The following CTSB variants were observed in gnomAD, a reference collection of about 807,000 sequenced individuals.
CTSB encodes cathepsin B, also known as APP secretase.
In CTSB, 57 loss-of-function variants were observed where a neutral mutation model predicts 44.3. The ratio of observed to expected loss-of-function variants is 1.29; its 90% confidence interval spans 1.04 to 1.60. The LOEUF is 1.60. Among genes scored for constraint, CTSB ranks in the 40% most tolerant of loss-of-function variants. The pLI is 0.00. For missense variants in CTSB, 768 were observed against 443.0 expected (o/e 1.73, Z -6.59); for synonymous variants, 320 against 168.0 (o/e 1.91, Z -7.00).
chr8:11,860,763 A>T (rs911365022), intron 1 of CTSB, among the ~76,000 whole-genome samples: 1 of 152,258 alleles, frequency 6.6e-6, no homozygotes, highest in African/African-American at 2.4e-5. Context: ...GAGACTGTGA[A>T]GGCTCAGTAA....
At chr8:11,850,762 T>C (rs1051648286) in intron 4 of CTSB, 104 bp downstream of exon 4, 3 of 694,368 alleles carry the variant, frequency 4.3e-6, no homozygotes, top group Non-Finnish European at 7.3e-6. Context: ...AAAGTTTCTA[T>C]AACTTGCCTT....
At chr8:11,863,366 G>T (rs917340351) in intron 1 of CTSB, among the ~76,000 whole-genome samples, 1 of 152,032 alleles carries the variant, frequency 6.6e-6, no homozygotes, top group Non-Finnish European at 1.5e-5. Context: ...GGCTGAGGCA[G>T]GAGAATCACT....
chr8:11,851,040 GC>G, intron 3 of CTSB, 60 bp from the exon 4 acceptor site: 1 of 1,270,018 alleles, frequency 7.9e-7, no homozygotes, highest in Non-Finnish European at 1.1e-6. Context: ...CCCAATCCCT[GC>G]AAAGGCCACT....
In CTSB at chr8:11,843,610, C is replaced by G. The variant is rs922980610; in HGVS notation, c.*1515G>C. ...ATACAGGCCCTGACTCCAGCCCAAA[C>G]CAAGGCTGGAGGGCATCCAGGGGGA... On this transcript the variant is annotated 3_prime_UTR_variant, in exon 10 of 10. Coordinates refer to ENST00000353047, the MANE Select transcript of CTSB (RefSeq NM_001908.5). 2 of 152,244 alleles carry G rather than the reference C, an allele frequency of 1.3e-5. No homozygotes were observed. The highest frequency in any genetic ancestry group is 4.8e-5 in the African/African-American group (2 of 41,448). The allele number at this position is 152,244 out of a possible 1,614,324, so 9.4% of individuals were successfully genotyped here.
chr8:11,864,651 G>C (rs1816866860), intron 1 of CTSB, among the ~76,000 whole-genome samples: 1 of 152,152 alleles, frequency 6.6e-6, no homozygotes, highest in Admixed American at 6.5e-5. Flanking sequence ...CTAAAAAAGA[G>C]ATTAGTTAAA....
intron 9 of CTSB, 34 bp downstream of exon 9, chr8:11,845,627 C>G (rs779051084): frequency 1.9e-6 from 3 of 1,603,284 alleles, no homozygotes; most frequent in Non-Finnish European, 1.7e-6. Flanking sequence ...GCTCACAATT[C>G]ACTGTTCTTG....
chr8:11,847,177 T>C lies in CTSB; in HGVS notation c.677-9A>G, dbSNP rs758495969. ...GCTGTAGGAATTGTATCCTGGAAAATGAACCGAGCTCGGGGTTGGGGAGGG... is the reference window on the plus strand; with the variant it reads ...GCTGTAGGAATTGTATCCTGGAAAACGAACCGAGCTCGGGGTTGGGGAGGG... On this transcript the variant is annotated splice_polypyrimidine_tract_variant and intron_variant, in intron 7 of 9. Transcript: ENST00000353047. 10 of 1,578,290 alleles carry C rather than the reference T, an allele frequency of 6.3e-6. No homozygotes were observed. In the African/African-American group the frequency reaches 1.1e-4, roughly 17 times the overall value.
chr8:11,861,312 C>G, intron 1 of CTSB: 1 of 152,480 alleles, frequency 6.6e-6, no homozygotes, highest in East Asian at 1.9e-4. Context: ...GCCTTGGAGG[C>G]TTCCAGGGAA....
rs758958041 is a variant in CTSB at position 11,849,186 on chromosome 8, G to T, written c.328-22C>A. 6 of 1,600,410 alleles carry T rather than the reference G, an allele frequency of 3.7e-6. No individual in the cohort carries two copies. In the Admixed American group the frequency reaches 8.3e-5, roughly 22 times the overall value. On this transcript the variant is annotated intron_variant, in intron 4 of 9. Coordinates refer to ENST00000353047, the MANE Select transcript of CTSB (RefSeq NM_001908.5). ...AGGCCTGCAGGAACGAGCCCCACCG[G>T]GTGAGGCTGCCATGTCCGGGCTGGG...
intron 1 of CTSB, among the ~76,000 whole-genome samples, chr8:11,858,681 G>T (rs142029072): frequency 6.6e-6 from 1 of 152,176 alleles, no homozygotes. Flanking sequence ...AACTCAAAAA[G>T]TGTCAAGCCA....
intron 1 of CTSB, 78 bp from the exon 2 acceptor site, chr8:11,853,557 G>A: frequency 1.4e-6 from 2 of 1,404,404 alleles, no homozygotes; most frequent in Non-Finnish European, 9.6e-7. Context: ...CACCGTCTCG[G>A]GCATCAGTGG....
rs138408883 is a variant in CTSB at position 11,847,605 on chromosome 8, C to T, written c.676+74G>A. Reference sequence around the variant, plus strand: ...CAAGGCTCCTCAGCCCTGACCTCTTCGCTGCAGCGTGAGGAGGGATGCAGC... The same window carrying T: ...CAAGGCTCCTCAGCCCTGACCTCTTTGCTGCAGCGTGAGGAGGGATGCAGC... On this transcript the variant is annotated intron_variant, in intron 7 of 9. Transcript: ENST00000353047. 282 of 1,471,034 alleles carry T rather than the reference C, an allele frequency of 1.9e-4. 1 individual carries two copies. In the African/African-American group the frequency reaches 2.5e-3, roughly 13 times the overall value. 91.1% of individuals were successfully genotyped at this position (1,471,034 alleles called of 1,614,324 possible).
chr8:11,858,242 ACCTATT>A, intron 1 of CTSB, among the ~76,000 whole-genome samples: 1 of 152,250 alleles, frequency 6.6e-6, no homozygotes, highest in Admixed American at 6.5e-5. Context: ...TTCACACTAA[ACCTATT>A]CCAATAGGTC....
Position 11,843,371 on chromosome 8 carries a change from T to TTGAA in CTSB, c.*1750_*1753dup, listed in dbSNP as rs1812614613. The TTGAA allele has an allele frequency of 1.3e-5, 2 of 152,180 alleles. No homozygotes were observed. Among genetic ancestry groups the TTGAA allele is most frequent in the South Asian group, 4.1e-4 (2 of 4,828 alleles). The allele number at this position is 152,180 out of a possible 1,614,324, so 9.4% of individuals were successfully genotyped here. A position where few individuals can be genotyped will look rare whatever the true frequency, so the allele number is the denominator to read the frequency against. On this transcript the variant is annotated 3_prime_UTR_variant, in exon 10 of 10. Coordinates refer to ENST00000353047, the MANE Select transcript of CTSB (RefSeq NM_001908.5). ...TTCTGAGTCACATCAGAAGCCAAAC[T>TTGAA]TGAATGCTTTTGGAAAGAGCTAGCC...
intron 4 of CTSB, 53 bp downstream of exon 4, chr8:11,850,813 G>C (rs573623000): frequency 2.3e-5 from 30 of 1,333,278 alleles, no homozygotes; most frequent in Non-Finnish European, 3.2e-5. Context: ...AGACTCTCCA[G>C]TGTTGCTCCC....
rs1026718731 is a variant in CTSB, at chr8:11,843,710, C to T, written c.*1415G>A. The T allele has an allele frequency of 6.6e-6, 1 of 152,194 alleles. No individual in the cohort carries two copies. Among genetic ancestry groups the T allele is most frequent in the Non-Finnish European group, 1.5e-5 (1 of 68,046 alleles). 9.4% of individuals were successfully genotyped at this position (152,194 alleles called of 1,614,324 possible). On this transcript the variant is annotated 3_prime_UTR_variant, in exon 10 of 10. Coordinates refer to ENST00000353047, the MANE Select transcript of CTSB (RefSeq NM_001908.5). ...CCAAGCCTGTTTTATGAGCTGAATC[C>T]TCAGCTTGTTGCTGGATTTGTGGCT...
At chr8:11,847,614 G>C (rs141494824) in intron 7 of CTSB, 65 bp downstream of exon 7, 498 of 1,482,300 alleles carry the variant, frequency 3.4e-4, no homozygotes, top group South Asian at 1.7e-3. Context: ...TCGCTGCAGC[G>C]TGAGGAGGGA....
At chr8:11,853,224 C>T in intron 2 of CTSB, 105 bp downstream of exon 2, 1 of 1,493,522 alleles carries the variant, frequency 6.7e-7, no homozygotes, top group Non-Finnish European at 9.1e-7. Flanking sequence ...CAGTCCAGGA[C>T]AATGTTCTGT....
At chr8:11,854,423 T>C (rs1815169456) in intron 1 of CTSB, among the ~76,000 whole-genome samples, 1 of 152,154 alleles carries the variant, frequency 6.6e-6, no homozygotes, top group African/African-American at 2.4e-5. Context: ...AACTTCATTG[T>C]TGCTTAAGCA....
Sources: gnomAD v4.1 joint callset for allele counts (sites outside exome capture counted in the v4.1 genomes callset) on GRCh38, gnomAD v4.1.1 for gene constraint, MANE v1.5 for transcripts, NCBI Gene and HGNC (gene_info 2026-07-23, HGNC 2026-07-21) for gene names.